The following SLIT3 variants were observed in gnomAD, a reference collection of about 807,000 sequenced individuals.
SLIT3 encodes the protein slit guidance ligand 3.
SLIT3 carries 68 observed loss-of-function variants against 184.0 expected under a neutral mutation model. The observed-to-expected ratio is 0.37, with a 90% confidence interval of 0.30 to 0.45. SLIT3 has a LOEUF of 0.45. Ranked by LOEUF, SLIT3 falls within the 20% of genes least tolerant of loss-of-function variation. SLIT3 has a pLI of 1.00. For missense variants in SLIT3, 1,707 were observed against 2,026.0 expected (o/e 0.84, Z 3.02); for synonymous variants, 831 against 828.6 (o/e 1.00, Z -0.05).
chr5:169,089,369 A>C (rs780092825), intron 4 of SLIT3, among the ~76,000 whole-genome samples: 1 of 152,126 alleles, frequency 6.6e-6, no homozygotes, highest in Non-Finnish European at 1.5e-5. Flanking sequence ...ACCACGTGCT[A>C]CTTCATTTCT....
At chr5:169,108,977 C>G (rs942219910) in intron 4 of SLIT3, among the ~76,000 whole-genome samples, 58 of 152,168 alleles carry the variant, frequency 3.8e-4, no homozygotes, top group African/African-American at 1.2e-3. Flanking sequence ...TGATTTTCTG[C>G]CAACTTGTGT....
intron 33 of SLIT3, among the ~76,000 whole-genome samples, chr5:168,671,822 C>T (rs1474202655): frequency 6.6e-6 from 1 of 152,146 alleles, no homozygotes; most frequent in African/African-American, 2.4e-5. Flanking sequence ...AGACCGTTCC[C>T]CCCAATAGGC....
intron 4 of SLIT3, among the ~76,000 whole-genome samples, chr5:169,150,931 C>T (rs1259173207): frequency 6.6e-6 from 1 of 152,110 alleles, no homozygotes; most frequent in East Asian, 1.9e-4. Context: ...AATTAATTCT[C>T]CAGTAATTTG....
chr5:169,138,958 A>G (rs1049539633), intron 4 of SLIT3, among the ~76,000 whole-genome samples: 5 of 152,266 alleles, frequency 3.3e-5, no homozygotes, highest in Non-Finnish European at 7.3e-5. Context: ...ACTGATGTCC[A>G]CATCCAGCCC....
intron 3 of SLIT3, among the ~76,000 whole-genome samples, chr5:169,210,398 C>T (rs541258835): frequency 6.6e-6 from 1 of 151,708 alleles, no homozygotes; most frequent in South Asian, 2.1e-4. Flanking sequence ...AAAGAGAGGC[C>T]AAGGAAAAAG....
chr5:169,111,910 G>T (rs1760422618), intron 4 of SLIT3, among the ~76,000 whole-genome samples: 1 of 152,178 alleles, frequency 6.6e-6, no homozygotes, highest in South Asian at 2.1e-4. Flanking sequence ...GGTGTCCTCT[G>T]CATCTTGGGT....
intron 29 of SLIT3, 84 bp downstream of exon 29, chr5:168,692,523 G>C: frequency 1.2e-6 from 1 of 820,902 alleles, no homozygotes. Context: ...AGCATGCAGA[G>C]AGACCAGAGA....
chr5:169,087,741 C>T (rs2113188161), intron 4 of SLIT3, among the ~76,000 whole-genome samples: 1 of 152,240 alleles, frequency 6.6e-6, no homozygotes, highest in African/African-American at 2.4e-5. Context: ...AAAAACATTG[C>T]ATATCAAAAA....
At chr5:169,215,273 A>G (rs1764398745) in intron 3 of SLIT3, among the ~76,000 whole-genome samples, 1 of 152,142 alleles carries the variant, frequency 6.6e-6, no homozygotes, top group Admixed American at 6.5e-5. Context: ...TCTATCTGGA[A>G]TACTTTTTCC....
chr5:169,254,749 T>A (rs1345327662), intron 1 of SLIT3, among the ~76,000 whole-genome samples: 3 of 152,116 alleles, frequency 2.0e-5, no homozygotes, highest in South Asian at 2.1e-4. Flanking sequence ...AGGAAGAGGA[T>A]GAGGATGAGG....
At position 168,753,014 on chromosome 5, in the gene SLIT3, G is replaced by C. The variant is rs777596907; in HGVS notation, c.1914C>G (p.Asp638Glu). The C allele has an allele frequency of 2.5e-6, 4 of 1,613,930 alleles. No individual in the cohort carries two copies. The highest frequency in any genetic ancestry group is 3.4e-6 in the Non-Finnish European group (4 of 1,179,978). Residue 638 changes from aspartate to glutamate, a missense_variant, in exon 18 of 36, where the codon GAC becomes GAG. Asp to Glu is a conservative substitution (Grantham distance 45). Transcript: ENST00000519560. The part of the protein sequence containing the change: ...LSSVRLLSLY[D>E]NRITTITPGA... ...CAGGGGTGATGGTGGTGATCCGATT[G>C]TCATAGAGGGACAGCAGTCTCACCG... is the stretch of plus-strand genomic sequence containing the variant.
chr5:169,016,548 T>C (rs1430172082), intron 4 of SLIT3, among the ~76,000 whole-genome samples: 1 of 152,206 alleles, frequency 6.6e-6, no homozygotes, highest in Non-Finnish European at 1.5e-5. Context: ...ATTTGGGACA[T>C]ATCCATCCAT....
At chr5:169,175,464 C>T (rs1230655079) in intron 4 of SLIT3, among the ~76,000 whole-genome samples, 1 of 152,058 alleles carries the variant, frequency 6.6e-6, no homozygotes, top group African/African-American at 2.4e-5. Flanking sequence ...ATCTCTGAGC[C>T]CCATTTCCTC....
At chr5:169,047,873 T>C (rs555034171) in intron 4 of SLIT3, among the ~76,000 whole-genome samples, 1 of 152,204 alleles carries the variant, frequency 6.6e-6, no homozygotes, top group South Asian at 2.1e-4. Flanking sequence ...TATCCTCTTC[T>C]AGGTCCTGAG....
Sources: gnomAD v4.1 joint callset for allele counts (sites outside exome capture counted in the v4.1 genomes callset) on GRCh38, gnomAD v4.1.1 for gene constraint, MANE v1.5 for transcripts, NCBI Gene and HGNC (gene_info 2026-07-23, HGNC 2026-07-21) for gene names.